The following CDH20 variants were observed in gnomAD, a reference collection of about 807,000 sequenced individuals.
The protein encoded by CDH20 is cadherin 20.
Under a neutral mutation model 74.2 loss-of-function variants are expected in CDH20, and 29 were observed. The observed-to-expected ratio is 0.39, with a 90% CI of 0.29 to 0.53. The LOEUF is 0.53. CDH20 is among the 20% of genes least tolerant of loss of function. The probability of loss-of-function intolerance (pLI) is 0.69; values close to 1 mark genes in which losing one functional copy is unlikely to be tolerated. For missense variants in CDH20, 988 were observed against 1,048.3 expected, an observed-to-expected ratio of 0.94 and a Z score of 0.79; for synonymous variants, 469 against 405.4, an observed-to-expected ratio of 1.16 and a Z score of -1.88.
chr18:61,541,141 G>A (rs916809598), intron 9 of CDH20, among the ~76,000 whole-genome samples: 2 of 152,092 alleles, frequency 1.3e-5, no homozygotes, highest in Admixed American at 6.6e-5. Flanking sequence ...ACACCTACAT[G>A]CTTGCAGTCA....
intron 1 of CDH20, among the ~76,000 whole-genome samples, chr18:61,436,448 C>T (rs1033359995): frequency 2.0e-5 from 3 of 152,106 alleles, no homozygotes; most frequent in African/African-American, 7.2e-5. Flanking sequence ...TCTAGCTATC[C>T]TAGTGGATGT....
At chr18:61,438,069 C>T (rs1429079019) in intron 1 of CDH20, among the ~76,000 whole-genome samples, 4 of 152,122 alleles carry the variant, frequency 2.6e-5, no homozygotes, top group African/African-American at 9.7e-5. Flanking sequence ...GGTATCTAAA[C>T]AGGTGCATTT....
At chr18:61,519,786 G>A (rs1912126226) in intron 6 of CDH20, among the ~76,000 whole-genome samples, 1 of 150,928 alleles carries the variant, frequency 6.6e-6, no homozygotes, top group Admixed American at 6.6e-5. Flanking sequence ...AACCTTAAAT[G>A]TAAACAGGCT....
Position 61,478,359 on chromosome 18 carries a change from G to A in CDH20, c.-152-12043G>A, listed in dbSNP as rs368061736. On this transcript the variant is annotated intron_variant, in intron 1 of 11. Transcript: ENST00000262717. ...AATATGTTAAGGACAATAAGCCCTC[G>A]TTTTCTCTTGCATGTTGCCTGTTTT... Among the ~76,000 whole-genome samples, 64 of 152,038 alleles carry A rather than the reference G, an allele frequency of 4.2e-4. 2 individuals carry two copies. In the South Asian group the frequency reaches 0.01, roughly 24 times the overall value.
intron 1 of CDH20, among the ~76,000 whole-genome samples, chr18:61,486,788 A>G (rs622530): frequency 0.99 from 151,022 of 152,282 alleles, 74,904 homozygotes; most frequent in Middle Eastern, 1. Context: ...TTCTTAAACA[A>G]AGTCACGGAG....
At chr18:61,396,051 G>T (rs1364968351) in intron 1 of CDH20, among the ~76,000 whole-genome samples, 1 of 151,064 alleles carries the variant, frequency 6.6e-6, no homozygotes, top group Non-Finnish European at 1.5e-5. Flanking sequence ...GTGTGTGTGT[G>T]TTTGTGTGTG....
At chr18:61,495,176 TG>T (rs1352254368) in intron 2 of CDH20, among the ~76,000 whole-genome samples, 1 of 152,202 alleles carries the variant, frequency 6.6e-6, no homozygotes, top group Non-Finnish European at 1.5e-5. Flanking sequence ...TCCAAATAGC[TG>T]GTGCGCAGTC....
chr18:61,488,092 A>ATATATATATG (rs1042246451), intron 1 of CDH20, among the ~76,000 whole-genome samples: 54 of 151,278 alleles, frequency 3.6e-4, no homozygotes, highest in African/African-American at 1.1e-3. Flanking sequence ...ATATATATAT[A>ATATATATATG]TATGTACGTA....
At chr18:61,411,061 G>C (rs1020021277) in intron 1 of CDH20, among the ~76,000 whole-genome samples, 5 of 152,072 alleles carry the variant, frequency 3.3e-5, no homozygotes, top group Admixed American at 1.3e-4. Flanking sequence ...TTAGCAGGGC[G>C]TGGTGGCGGG....
At chr18:61,530,456 T>C (rs566521364) in intron 7 of CDH20, among the ~76,000 whole-genome samples, 1 of 152,234 alleles carries the variant, frequency 6.6e-6, no homozygotes, top group Non-Finnish European at 1.5e-5. Flanking sequence ...GCATTTTTGT[T>C]ACAAAGAACA....
chr18:61,344,348 T>C (rs1162947158), intron 1 of CDH20, among the ~76,000 whole-genome samples: 1 of 152,156 alleles, frequency 6.6e-6, no homozygotes, highest in Non-Finnish European at 1.5e-5. Flanking sequence ...ACAGAGAAGA[T>C]AAATATGTTG....
At chr18:61,352,804 C>G (rs751775039) in intron 1 of CDH20, among the ~76,000 whole-genome samples, 27 of 152,116 alleles carry the variant, frequency 1.8e-4, no homozygotes, top group Non-Finnish European at 3.7e-4. Flanking sequence ...TGTAACTGCC[C>G]AACACAAAAT....
intron 1 of CDH20, among the ~76,000 whole-genome samples, chr18:61,393,211 A>T (rs1911852077): frequency 6.6e-6 from 1 of 152,148 alleles, no homozygotes; most frequent in Non-Finnish European, 1.5e-5. Flanking sequence ...AGAAAAGGGG[A>T]AGATCAACTA....
chr18:61,358,727 T>C (rs565818397), intron 1 of CDH20, among the ~76,000 whole-genome samples: 1 of 152,338 alleles, frequency 6.6e-6, no homozygotes, highest in East Asian at 1.9e-4. Context: ...TGCTTAATTC[T>C]ATTTGAATTT....
intron 6 of CDH20, among the ~76,000 whole-genome samples, chr18:61,518,589 C>T (rs1298903453): frequency 1.3e-5 from 2 of 151,316 alleles, no homozygotes; most frequent in Admixed American, 6.6e-5. Context: ...ACAAAAACAA[C>T]ATCCACACAG....
intron 1 of CDH20, among the ~76,000 whole-genome samples, chr18:61,376,193 GAA>G (rs1165977967): frequency 6.6e-6 from 1 of 151,948 alleles, no homozygotes; most frequent in Non-Finnish European, 1.5e-5. Flanking sequence ...TCAAATGTAT[GAA>G]AGATACAAAG....
At chr18:61,429,796 T>C (rs1311277131) in intron 1 of CDH20, among the ~76,000 whole-genome samples, 2 of 152,188 alleles carry the variant, frequency 1.3e-5, no homozygotes, top group Admixed American at 6.5e-5. Flanking sequence ...TGAGAAATCA[T>C]CCCTTCCCAG....
At chr18:61,379,214 G>T (rs1219940137) in intron 1 of CDH20, among the ~76,000 whole-genome samples, 1 of 152,032 alleles carries the variant, frequency 6.6e-6, no homozygotes, top group African/African-American at 2.4e-5. Context: ...ATTTCAACTG[G>T]CTATTTTAAT....
At chr18:61,385,862 G>A (rs1174717882) in intron 1 of CDH20, among the ~76,000 whole-genome samples, 1 of 151,294 alleles carries the variant, frequency 6.6e-6, no homozygotes, top group Non-Finnish European at 1.5e-5. Flanking sequence ...CCTGGGAGGT[G>A]GAGTTTGCAG....
Sources: allele counts gnomAD v4.1 joint callset (sites outside exome capture counted in the v4.1 genomes callset), GRCh38; gene constraint gnomAD v4.1.1; transcripts MANE v1.5; gene names NCBI Gene and HGNC (gene_info 2026-07-23, HGNC 2026-07-21).